Variants in PEBP1 observed in about 807,000 individuals in gnomAD.
PEBP1 encodes the protein phosphatidylethanolamine binding protein 1.
A neutral mutation model predicts 22.7 loss-of-function variants in PEBP1; 17 were observed. The observed-to-expected ratio is 0.75, with a 90% confidence interval of 0.51 to 1.12. The LOEUF is 1.12. PEBP1 is among the 50% of genes most tolerant of loss of function. PEBP1 has a pLI of 0.00. For synonymous variants in PEBP1, 106 were observed against 104.3 expected (o/e 1.02, Z -0.10); for missense variants, 205 against 243.5 (o/e 0.84, Z 1.05).
chr12:118,142,725 C>A (rs2034124471), intron 3 of PEBP1, among the ~76,000 whole-genome samples: 1 of 151,686 alleles, frequency 6.6e-6, no homozygotes, highest in African/African-American at 2.4e-5. Context: ...GATCCACCTG[C>A]CTTAGCCTCT....
intron 3 of PEBP1, among the ~76,000 whole-genome samples, chr12:118,143,692 G>A (rs2034131916): frequency 6.6e-6 from 1 of 152,030 alleles, no homozygotes; most frequent in South Asian, 2.1e-4. Flanking sequence ...TTGAGGTCAG[G>A]AGTTTTGCCA....
intron 1 of PEBP1, among the ~76,000 whole-genome samples, chr12:118,137,572 T>C (rs1269058231): frequency 6.6e-6 from 1 of 152,122 alleles, no homozygotes; most frequent in South Asian, 2.1e-4. Flanking sequence ...ATACATAACG[T>C]ATATAAAACT....
chr12:118,139,543 A>G lies in PEBP1; in HGVS notation c.338A>G (p.Lys113Arg). ...LSDYVGSGPP[K>R]GTGLHRYVWL... ...GATTATGTGGGCTCGGGGCCTCCCA[A>G]GGGCACAGGTTAGTAAAGGTTGTTT... is the stretch of plus-strand genomic sequence containing the variant. Residue 113 changes from lysine (K) to arginine (R), a missense_variant, in exon 3 of 4, where the codon AAG (lysine) becomes AGG (arginine). Lys to Arg is a conservative substitution (Grantham distance 26). Transcript: ENST00000261313. 2 of 1,610,278 alleles carry G rather than the reference A, an allele frequency of 1.2e-6. No individual in the cohort carries two copies. Among genetic ancestry groups the G allele is most frequent in the South Asian group, 1.1e-5 (1 of 90,844 alleles).
At chr12:118,141,266 A>G (rs1033652986) in intron 3 of PEBP1, among the ~76,000 whole-genome samples, 11 of 151,904 alleles carry the variant, frequency 7.2e-5, no homozygotes, top group Admixed American at 4.6e-4. Flanking sequence ...ACAGGCGCCC[A>G]CCACCACGCC....
At chr12:118,144,119 C>A (rs898917029) in intron 3 of PEBP1, among the ~76,000 whole-genome samples, 1 of 151,914 alleles carries the variant, frequency 6.6e-6, no homozygotes, top group Non-Finnish European at 1.5e-5. Flanking sequence ...ATGGTGGGCC[C>A]GGGTCATTGA....
In PEBP1 at chr12:118,139,677, G is replaced by A. The variant is rs3741446; in HGVS notation, c.346+126G>A. 385 of 587,574 alleles carry A rather than the reference G, an allele frequency of 6.6e-4. 7 individuals carry two copies. In the East Asian group the frequency reaches 0.012, roughly 18 times the overall value. 36.4% of individuals were successfully genotyped at this position (587,574 alleles called of 1,614,324 possible). A position where few individuals can be genotyped will look rare whatever the true frequency, so the allele number is the denominator to read the frequency against. On this transcript the variant is annotated intron_variant, in intron 3 of 3. Coordinates refer to ENST00000261313, the MANE Select transcript of PEBP1 (RefSeq NM_002567.4). Reference sequence around the variant, plus strand: ...AAATAGCATCTCAGCTTACCTCTAGGGCAGCTGCCTTCAGGGCACACATTC... The same window carrying A: ...AAATAGCATCTCAGCTTACCTCTAGAGCAGCTGCCTTCAGGGCACACATTC...
rs542673479 is a variant in PEBP1 at position 118,136,206 on chromosome 12, C to T, written c.-4C>T. On this transcript the variant is annotated 5_prime_UTR_variant, in exon 1 of 4. Transcript: ENST00000261313. The surrounding 1 kb of genome is among the most constrained non-coding windows in gnomAD (Gnocchi z 5.6). ...CCCGGCTGCACGCTCTGCTTGGCCTCGCCATGCCGGTGGACCTCAGCAAGT... is the reference window on the plus strand; with the variant it reads ...CCCGGCTGCACGCTCTGCTTGGCCTTGCCATGCCGGTGGACCTCAGCAAGT... 1.7e-5 allele frequency: 26 copies of T among 1,545,006 alleles called. No homozygotes were observed. The highest frequency in any genetic ancestry group is 2.3e-5 in the Non-Finnish European group (26 of 1,146,464).
chr12:118,140,518 A>G (rs1332939460), intron 3 of PEBP1, among the ~76,000 whole-genome samples: 27 of 152,124 alleles, frequency 1.8e-4, no homozygotes, highest in Non-Finnish European at 1.5e-5. Flanking sequence ...GAATAAGGCA[A>G]TTCTCTCAAG....
intron 2 of PEBP1, among the ~76,000 whole-genome samples, 174 bp from the exon 3 acceptor site, chr12:118,139,277 A>G (rs2034093820): frequency 6.6e-6 from 1 of 150,688 alleles, no homozygotes; most frequent in Non-Finnish European, 1.5e-5. Flanking sequence ...GTGCCACTGC[A>G]TTCCAGCCTG....
Position 118,145,552 on chromosome 12 carries a change from T to C in PEBP1, c.*749T>C, listed in dbSNP as rs1019975216. 1.9e-5 allele frequency: 3 copies of C among 154,316 alleles called. No homozygotes were observed. The highest frequency in any genetic ancestry group is 4.3e-5 in the Non-Finnish European group (3 of 69,580). 9.6% of individuals were successfully genotyped at this position (154,316 alleles called of 1,614,324 possible). ...ATGTTGCATTAATTGTGCTGTTTGCTTGTAGTTGAATAAAAATAGAAACCT... is the reference window on the plus strand; with the variant it reads ...ATGTTGCATTAATTGTGCTGTTTGCCTGTAGTTGAATAAAAATAGAAACCT... On this transcript the variant is annotated 3_prime_UTR_variant, in exon 4 of 4. Coordinates refer to ENST00000261313, the MANE Select transcript of PEBP1 (RefSeq NM_002567.4).
At chr12:118,139,600 C>G in intron 3 of PEBP1, 49 bp downstream of exon 3, 1 of 1,164,810 alleles carries the variant, frequency 8.6e-7, no homozygotes, top group Non-Finnish European at 1.3e-6. Flanking sequence ...AGCTCGGGGG[C>G]ACATTAGGAT....
intron 3 of PEBP1, among the ~76,000 whole-genome samples, chr12:118,142,196 ATT>A (rs1180068779): frequency 7.4e-6 from 1 of 135,236 alleles, no homozygotes; most frequent in Admixed American, 7.4e-5. Context: ...TTTTTTTTAA[ATT>A]TTTTTTTTTC....
chr12:118,140,801 G>A (rs1390000835), intron 3 of PEBP1, among the ~76,000 whole-genome samples: 3 of 152,076 alleles, frequency 2.0e-5, no homozygotes, highest in Admixed American at 2.0e-4. Flanking sequence ...GTCTCCCAAA[G>A]TGTTGGGATT....
Position 118,136,516 on chromosome 12 carries a change from A to C in PEBP1, c.135+172A>C, listed in dbSNP as rs1281959625. 6.6e-6 allele frequency among the ~76,000 whole-genome samples: 1 copy of C among 152,058 alleles called. No homozygotes were observed. The highest frequency in any genetic ancestry group is 1.5e-5 in the Non-Finnish European group (1 of 67,988). On this transcript the variant is annotated intron_variant, in intron 1 of 3. Coordinates refer to ENST00000261313, the MANE Select transcript of PEBP1 (RefSeq NM_002567.4). This position sits in a 1 kb window ranked among gnomAD's most constrained non-coding sequence, Gnocchi z 5.6. ...GGTCCATGTCCCATGCCTGGGGGCCACCCCGAGCACCGGGAACCCGGCCTG... is the reference window on the plus strand; with the variant it reads ...GGTCCATGTCCCATGCCTGGGGGCCCCCCCGAGCACCGGGAACCCGGCCTG...
In PEBP1 at chr12:118,138,075, C is replaced by T; in HGVS notation, c.172C>T (p.Leu58Phe). The T allele has an allele frequency of 6.2e-7, 1 of 1,613,724 alleles. No individual in the cohort carries two copies. The highest frequency in any genetic ancestry group is 8.5e-7 in the Non-Finnish European group (1 of 1,179,862). ...ACCCACCAGCATTTCGTGGGATGGT[C>T]TTGATTCAGGGAAGCTCTACACCTT... ...NRPTSISWDG[L>F]DSGKLYTLVL... The change falls in exon 2 of 4, where the codon CTT (leucine) becomes TTT (phenylalanine). Residue 58 changes from leucine to phenylalanine, a missense_variant. By Grantham distance (22) the Leu-to-Phe change is conservative. Coordinates refer to ENST00000261313, the MANE Select transcript of PEBP1 (RefSeq NM_002567.4).
rs117485860 is a variant in PEBP1, at chr12:118,142,878, C to A, written c.347-1708C>A. On this transcript the variant is annotated intron_variant, in intron 3 of 3. Coordinates refer to ENST00000261313, the MANE Select transcript of PEBP1 (RefSeq NM_002567.4). ...TTTTTGAGATAGGGTCTTACTCTGT[C>A]CCCTAGGCTGGAGCACAGTGGCACG... Among the ~76,000 whole-genome samples the A allele has an allele frequency of 4.0e-3, 516 of 128,222 alleles. 2 individuals carry two copies. Among genetic ancestry groups the A allele is most frequent in the Middle Eastern group, 0.011 (2 of 176 alleles). 84.1% of individuals were successfully genotyped at this position (128,222 alleles called of 152,430 possible). A position where few individuals can be genotyped will look rare whatever the true frequency, so the allele number is the denominator to read the frequency against.
chr12:118,145,404 T>G lies in PEBP1; in HGVS notation c.*601T>G. 5.7e-6 allele frequency: 1 copy of G among 176,990 alleles called. No homozygotes were observed. The highest frequency in any genetic ancestry group is 5.5e-5 in the Admixed American group (1 of 18,128). The allele number at this position is 176,990 out of a possible 1,614,324, so 11.0% of individuals were successfully genotyped here. A position where few individuals can be genotyped will look rare whatever the true frequency, so the allele number is the denominator to read the frequency against. ...GGAGGGAGGGTGGCTTTGCTGTTGT[T>G]GGGACATGGCAATCTAGACCGGTAG... is the stretch of plus-strand genomic sequence containing the variant. On this transcript the variant is annotated 3_prime_UTR_variant, in exon 4 of 4. Transcript: ENST00000261313.
intron 3 of PEBP1, among the ~76,000 whole-genome samples, chr12:118,141,930 G>C (rs1454097443): frequency 2.0e-5 from 3 of 152,086 alleles, no homozygotes; most frequent in African/African-American, 7.2e-5. Flanking sequence ...GATGTTTCCA[G>C]TATTTGGATA....
intron 3 of PEBP1, 119 bp from the exon 4 acceptor site, chr12:118,144,467 C>G: frequency 2.2e-6 from 2 of 928,410 alleles, no homozygotes; most frequent in Non-Finnish European, 3.4e-6. Context: ...CCCTCGGTGT[C>G]CTCCTTGTAA....
Sources: gnomAD v4.1 joint callset for allele counts (sites outside exome capture counted in the v4.1 genomes callset) on GRCh38, gnomAD v4.1.1 for gene constraint, Gnocchi (gnomAD v3.1) non-coding constraint, MANE v1.5 for transcripts, NCBI Gene and HGNC (gene_info 2026-07-23, HGNC 2026-07-21) for gene names.